Variants in MEGF9 observed in about 807,000 individuals in gnomAD.
The protein encoded by MEGF9 is multiple EGF like domains 9.
In MEGF9, 6 loss-of-function variants were observed where a neutral mutation model predicts 46.8. The ratio of observed to expected loss-of-function variants is 0.13; its 90% CI spans 0.07 to 0.25. The LOEUF (loss-of-function observed/expected upper bound fraction) is 0.25. MEGF9 is among the 10% of genes least tolerant of loss of function. The probability of loss-of-function intolerance (pLI) is 1.00; values close to 1 mark genes in which losing one functional copy is unlikely to be tolerated. For synonymous variants in MEGF9, 302 were observed against 330.7 expected (o/e 0.91, Z 0.94); for missense variants, 683 against 792.4 (o/e 0.86, Z 1.66).
intron 1 of MEGF9, chr9:120,690,085 C>T: frequency 4.4e-6 from 2 of 453,818 alleles, no homozygotes; most frequent in East Asian, 6.9e-5. Flanking sequence ...ACGCTGGGCT[C>T]CCTCAGTTGG....
chr9:120,665,534 A>AT (rs1159708370), intron 1 of MEGF9, among the ~76,000 whole-genome samples: 2 of 151,848 alleles, frequency 1.3e-5, no homozygotes, highest in African/African-American at 4.8e-5. Flanking sequence ...ATGAGCTCGA[A>AT]TTTTTTTTAT....
At chr9:120,606,355 CA>C in intron 5 of MEGF9, among the ~76,000 whole-genome samples, 1 of 152,208 alleles carries the variant, frequency 6.6e-6, no homozygotes, top group African/African-American at 2.4e-5. Flanking sequence ...ATAAGTCTAA[CA>C]AGTCTGATGG....
chr9:120,663,722 T>C (rs535001545), intron 1 of MEGF9, among the ~76,000 whole-genome samples: 38 of 152,234 alleles, frequency 2.5e-4, no homozygotes, highest in Non-Finnish European at 5.1e-4. Context: ...GCTCATTCAA[T>C]TGCCTAAAAG....
intron 2 of MEGF9, 97 bp downstream of exon 2, chr9:120,659,277 C>T: frequency 1.2e-6 from 1 of 844,936 alleles, no homozygotes; most frequent in South Asian, 2.0e-5. Context: ...GACCCTCATC[C>T]CCCTTTGTTT....
At chr9:120,702,311 T>C (rs1348075009) in intron 1 of MEGF9, among the ~76,000 whole-genome samples, 1 of 152,198 alleles carries the variant, frequency 6.6e-6, no homozygotes, top group African/African-American at 2.4e-5. Context: ...ACAGAAATTA[T>C]AGTTAAGTGG....
chr9:120,713,540 A>AC (rs1284617931), intron 1 of MEGF9, among the ~76,000 whole-genome samples: 1 of 151,820 alleles, frequency 6.6e-6, no homozygotes, highest in Non-Finnish European at 1.5e-5. Flanking sequence ...CCCAGCAGCC[A>AC]CCCCCTCCCG....
intron 2 of MEGF9, among the ~76,000 whole-genome samples, chr9:120,645,785 A>G (rs1184371436): frequency 6.6e-6 from 1 of 152,206 alleles, no homozygotes. Flanking sequence ...CAGTTTTAAA[A>G]ACTCTTAAAA....
intron 1 of MEGF9, among the ~76,000 whole-genome samples, chr9:120,707,332 T>A (rs1446472450): frequency 6.6e-6 from 1 of 152,176 alleles, no homozygotes; most frequent in Non-Finnish European, 1.5e-5. Context: ...CTACTCCGAA[T>A]ACATTTGGCA....
At position 120,602,634 on chromosome 9, in the gene MEGF9, T is replaced by C. The variant is rs952266189; in HGVS notation, c.*2556A>G. The C allele has an allele frequency of 2.6e-5, 4 of 152,152 alleles. No homozygotes were observed. Among genetic ancestry groups the C allele is most frequent in the African/African-American group, 9.7e-5 (4 of 41,428 alleles). 9.4% of individuals were successfully genotyped at this position (152,152 alleles called of 1,614,324 possible). A position where few individuals can be genotyped will look rare whatever the true frequency, so the allele number is the denominator to read the frequency against. On this transcript the variant is annotated 3_prime_UTR_variant, in exon 6 of 6. Transcript: ENST00000373930. Reference sequence around the variant, plus strand: ...TTCAATTTTTCAATACCTTTTAAGGTCTGTTTCAAGGAATTTCTACATGGT... The same window carrying C: ...TTCAATTTTTCAATACCTTTTAAGGCCTGTTTCAAGGAATTTCTACATGGT...
chr9:120,621,945 T>A (rs1384843547), intron 3 of MEGF9, among the ~76,000 whole-genome samples: 1 of 152,180 alleles, frequency 6.6e-6, no homozygotes, highest in African/African-American at 2.4e-5. Flanking sequence ...TGTGAGAGAT[T>A]TGTATTGGCC....
chr9:120,664,176 C>T (rs578016831), intron 1 of MEGF9, among the ~76,000 whole-genome samples: 12 of 151,702 alleles, frequency 7.9e-5, no homozygotes, highest in South Asian at 2.1e-4. Context: ...CTTGAACATA[C>T]TGAAGACCTT....
At chr9:120,622,829 G>T in intron 2 of MEGF9, 74 bp from the exon 3 acceptor site, 1 of 1,483,434 alleles carries the variant, frequency 6.7e-7, no homozygotes. Context: ...CCCCAGAAGG[G>T]AAAGAAAGCC....
At chr9:120,642,242 G>A (rs543752406) in intron 2 of MEGF9, among the ~76,000 whole-genome samples, 2 of 152,158 alleles carry the variant, frequency 1.3e-5, no homozygotes, top group African/African-American at 2.4e-5. Flanking sequence ...TTGTAGCCCA[G>A]GTCTGATTTC....
chr9:120,708,436 G>A (rs928018881), intron 1 of MEGF9, among the ~76,000 whole-genome samples: 1 of 152,146 alleles, frequency 6.6e-6, no homozygotes, highest in Admixed American at 6.5e-5. Flanking sequence ...TACATGTCAT[G>A]GTAGTCAGAG....
chr9:120,660,797 T>C (rs1233068996), intron 1 of MEGF9, among the ~76,000 whole-genome samples: 1 of 152,220 alleles, frequency 6.6e-6, no homozygotes, highest in African/African-American at 2.4e-5. Context: ...ATAGGTCCCA[T>C]TCCAAAATAG....
At chr9:120,663,676 G>A (rs971001761) in intron 1 of MEGF9, among the ~76,000 whole-genome samples, 4 of 152,170 alleles carry the variant, frequency 2.6e-5, no homozygotes, top group Non-Finnish European at 5.9e-5. Flanking sequence ...GACACCTAAA[G>A]CTAATTGCAG....
At chr9:120,630,616 C>T (rs556319665) in intron 2 of MEGF9, among the ~76,000 whole-genome samples, 5 of 152,308 alleles carry the variant, frequency 3.3e-5, no homozygotes, top group African/African-American at 9.6e-5. Flanking sequence ...TGCTAATTTA[C>T]ATTTCCACTA....
chr9:120,679,030 C>G (rs914913906), intron 1 of MEGF9, among the ~76,000 whole-genome samples: 6 of 152,198 alleles, frequency 3.9e-5, no homozygotes, highest in Admixed American at 2.0e-4. Context: ...GTTGGTGGGA[C>G]TGTAAACTAG....
At chr9:120,618,442 G>A (rs1564413153) in intron 3 of MEGF9, among the ~76,000 whole-genome samples, 5 of 152,100 alleles carry the variant, frequency 3.3e-5, no homozygotes, top group East Asian at 3.8e-4. Context: ...ATACATAAAG[G>A]TACACTGGAT....
Sources: allele counts gnomAD v4.1 joint callset (sites outside exome capture counted in the v4.1 genomes callset), GRCh38; gene constraint gnomAD v4.1.1; transcripts MANE v1.5; gene names NCBI Gene and HGNC (gene_info 2026-07-23, HGNC 2026-07-21).